The following MSRA variants were observed in gnomAD, a reference collection of about 807,000 sequenced individuals.
The protein encoded by MSRA is methionine sulfoxide reductase A.
Under a neutral mutation model 31.3 loss-of-function variants are expected in MSRA, and 54 were observed. The observed-to-expected ratio is 1.73, with a 90% CI of 1.39 to 2.17. The LOEUF (loss-of-function observed/expected upper bound fraction) is 2.17. Among genes scored for constraint, MSRA ranks in the 30% most tolerant of loss-of-function variants. The pLI is 0.00. For missense variants in MSRA, 507 were observed against 300.9 expected, an observed-to-expected ratio of 1.69 and a Z score of -5.07; for synonymous variants, 169 against 116.5, an observed-to-expected ratio of 1.45 and a Z score of -2.90.
At chr8:10,178,255 T>C (rs1185323615) in intron 1 of MSRA, among the ~76,000 whole-genome samples, 1 of 152,170 alleles carries the variant, frequency 6.6e-6, no homozygotes, top group Non-Finnish European at 1.5e-5. Context: ...TAGTTTACCA[T>C]ACTCTGACAG....
intron 5 of MSRA, among the ~76,000 whole-genome samples, chr8:10,323,867 G>A (rs1334962470): frequency 6.6e-6 from 1 of 152,034 alleles, no homozygotes; most frequent in Non-Finnish European, 1.5e-5. Flanking sequence ...TGGGACTCCT[G>A]TGCCTTTAGT....
intron 5 of MSRA, among the ~76,000 whole-genome samples, chr8:10,425,087 C>T (rs1208210861): frequency 6.6e-6 from 1 of 152,152 alleles, no homozygotes; most frequent in Non-Finnish European, 1.5e-5. Context: ...TGGTCCCTTT[C>T]CCCTTCTTTC....
In MSRA at chr8:10,342,885, C is replaced by G. The variant is rs1274618656; in HGVS notation, c.543+22896C>G. On this transcript the variant is annotated intron_variant, in intron 5 of 5. Transcript: ENST00000317173. ...AGCTCTGCCACTGTGTGACTTCGGG[C>G]AAGTGTCTTAACTTCTCTGGCCTGA... Among the ~76,000 whole-genome samples, 2 of 152,182 alleles carry G rather than the reference C, an allele frequency of 1.3e-5. 1 individual carries two copies. The highest frequency in any genetic ancestry group is 4.1e-4 in the South Asian group (2 of 4,828).
At chr8:10,356,850 C>A (rs980954269) in intron 5 of MSRA, among the ~76,000 whole-genome samples, 1 of 148,620 alleles carries the variant, frequency 6.7e-6, no homozygotes, top group Non-Finnish European at 1.5e-5. Context: ...ATCAACACAG[C>A]GTGCACGTTC....
chr8:10,288,215 A>G (rs1248331087), intron 3 of MSRA, among the ~76,000 whole-genome samples: 7 of 152,170 alleles, frequency 4.6e-5, no homozygotes, highest in Non-Finnish European at 8.8e-5. Context: ...GCCTTTTTAG[A>G]CATTTCTCTC....
At chr8:10,219,844 C>T (rs1021424106) in intron 2 of MSRA, among the ~76,000 whole-genome samples, 1 of 140,148 alleles carries the variant, frequency 7.1e-6, no homozygotes, top group Non-Finnish European at 1.5e-5. Context: ...TTGTTAGGTC[C>T]AGTACAATGT....
intron 3 of MSRA, chr8:10,250,347 A>G: frequency 1.4e-6 from 1 of 692,874 alleles, no homozygotes; most frequent in Non-Finnish European, 2.6e-6. Context: ...AGCCTAATAT[A>G]CAAATACCCC....
rs189221977 is a variant in MSRA, at chr8:10,259,130, T to C, written c.331+13907T>C. On this transcript the variant is annotated intron_variant, in intron 3 of 5. Coordinates refer to ENST00000317173, the MANE Select transcript of MSRA (RefSeq NM_012331.5). Reference sequence around the variant, plus strand: ...GAAAAAAAAAAAAAAGAGGCAGATATATATGTTCATCTGTTGCCTTTGACC... The same window carrying C: ...GAAAAAAAAAAAAAAGAGGCAGATACATATGTTCATCTGTTGCCTTTGACC... Among the ~76,000 whole-genome samples, 7 of 151,698 alleles carry C rather than the reference T, an allele frequency of 4.6e-5. No homozygotes were observed. In the East Asian group the frequency reaches 9.7e-4, roughly 21 times the overall value.
chr8:10,150,958 G>T (rs1469269179), intron 1 of MSRA, among the ~76,000 whole-genome samples: 1 of 152,078 alleles, frequency 6.6e-6, no homozygotes, highest in Admixed American at 6.6e-5. Flanking sequence ...GACACCACTG[G>T]TGGTATTGAT....
At chr8:10,413,947 T>G (rs1184835560) in intron 5 of MSRA, among the ~76,000 whole-genome samples, 1 of 152,112 alleles carries the variant, frequency 6.6e-6, no homozygotes, top group African/African-American at 2.4e-5. Context: ...GGAGGATTGT[T>G]TGAGCCCAGG....
At chr8:10,112,454 T>G (rs1456698999) in intron 1 of MSRA, among the ~76,000 whole-genome samples, 1 of 152,202 alleles carries the variant, frequency 6.6e-6, no homozygotes, top group Non-Finnish European at 1.5e-5. Flanking sequence ...TAAAAATGCC[T>G]GCCACAGTCA....
chr8:10,236,066 T>G (rs1326686468), intron 2 of MSRA, among the ~76,000 whole-genome samples: 1 of 152,178 alleles, frequency 6.6e-6, no homozygotes, highest in African/African-American at 2.4e-5. Flanking sequence ...GCATTGTTAA[T>G]ATTCAGAACT....
Position 10,133,365 on chromosome 8 carries a change from C to G in MSRA, c.143-74468C>G, listed in dbSNP as rs575316477. Among the ~76,000 whole-genome samples, 85 of 152,276 alleles carry G rather than the reference C, an allele frequency of 5.6e-4. 1 individual carries two copies. The highest frequency in any genetic ancestry group is 1.2e-3 in the Admixed American group (18 of 15,300). On this transcript the variant is annotated intron_variant, in intron 1 of 5. Coordinates refer to ENST00000317173, the MANE Select transcript of MSRA (RefSeq NM_012331.5). Reference sequence around the variant, plus strand: ...CGTGGGGTGCTCTGCCTCCTGGACTCCTCCGTCAGGAAGGTTGTTGGTTCA... The same window carrying G: ...CGTGGGGTGCTCTGCCTCCTGGACTGCTCCGTCAGGAAGGTTGTTGGTTCA...
chr8:10,276,503 C>G (rs1350154482), intron 3 of MSRA, among the ~76,000 whole-genome samples: 1 of 152,210 alleles, frequency 6.6e-6, no homozygotes. Flanking sequence ...GCAGTCTGCC[C>G]ATCTCCAAGG....
intron 4 of MSRA, among the ~76,000 whole-genome samples, chr8:10,312,030 G>C (rs1801461108): frequency 6.6e-6 from 1 of 152,172 alleles, no homozygotes; most frequent in Admixed American, 6.5e-5. Flanking sequence ...ATAGGGCATA[G>C]GTAAAGCAGT....
At chr8:10,156,908 T>C (rs1369220534) in intron 1 of MSRA, among the ~76,000 whole-genome samples, 2 of 149,316 alleles carry the variant, frequency 1.3e-5, no homozygotes, top group African/African-American at 4.9e-5. Flanking sequence ...TAAAGTAACA[T>C]GGGAGCGCAT....
intron 2 of MSRA, among the ~76,000 whole-genome samples, chr8:10,221,005 G>T (rs183559352): frequency 1.3e-5 from 2 of 152,164 alleles, no homozygotes; most frequent in African/African-American, 4.8e-5. Flanking sequence ...TGTGCCTGGC[G>T]GGTGTGTCTT....
At chr8:10,060,910 T>A (rs1411640856) in intron 1 of MSRA, among the ~76,000 whole-genome samples, 1 of 152,214 alleles carries the variant, frequency 6.6e-6, no homozygotes. Context: ...TTTCTTGTAT[T>A]GTGAGTGATG....
chr8:10,398,841 T>C (rs1485695742), intron 5 of MSRA, among the ~76,000 whole-genome samples: 1 of 152,204 alleles, frequency 6.6e-6, no homozygotes, highest in East Asian at 1.9e-4. Context: ...GAGCAAAAAA[T>C]ATCACCATTG....
Sources: allele counts gnomAD v4.1 joint callset (sites outside exome capture counted in the v4.1 genomes callset), GRCh38; gene constraint gnomAD v4.1.1; transcripts MANE v1.5; gene names NCBI Gene and HGNC (gene_info 2026-07-23, HGNC 2026-07-21).